NRG1: variants seen among roughly 807,000 people sequenced by gnomAD.
NRG1 encodes pro-neuregulin-1, membrane-bound isoform.
Under a neutral mutation model 63.8 loss-of-function variants are expected in NRG1, and 18 were observed. That is an observed-to-expected ratio of 0.28 (90% CI 0.19 to 0.42). NRG1 has a LOEUF of 0.42. Ranked by LOEUF, NRG1 falls within the 10% of genes least tolerant of loss-of-function variation. The pLI is 1.00. For synonymous variants in NRG1, 302 were observed against 301.3 expected, an observed-to-expected ratio of 1.00 and a Z score of -0.02; for missense variants, 762 against 814.7, an observed-to-expected ratio of 0.94 and a Z score of 0.79.
At chr8:31,659,195 C>T (rs753114710) in intron 1 of NRG1, among the ~76,000 whole-genome samples, 3 of 152,094 alleles carry the variant, frequency 2.0e-5, no homozygotes, top group South Asian at 2.1e-4. Context: ...GGCTCTGCAG[C>T]GAGGGTTCCT....
intron 1 of NRG1, among the ~76,000 whole-genome samples, chr8:32,163,207 G>A (rs894732729): frequency 1.3e-5 from 2 of 152,184 alleles, no homozygotes; most frequent in African/African-American, 4.8e-5. Flanking sequence ...AGACCCATGT[G>A]GCAGGAACTT....
At chr8:32,757,694 A>G (rs1829933249) in intron 9 of NRG1, among the ~76,000 whole-genome samples, 1 of 152,226 alleles carries the variant, frequency 6.6e-6, no homozygotes, top group Non-Finnish European at 1.5e-5. Flanking sequence ...ATGACTGCCT[A>G]GATTACATTT....
chr8:32,530,711 A>G (rs187818086), intron 1 of NRG1, among the ~76,000 whole-genome samples: 71 of 152,328 alleles, frequency 4.7e-4, no homozygotes, highest in Non-Finnish European at 8.8e-4. Flanking sequence ...AAAGCTGGGC[A>G]TTCTGTTCTA....
At chr8:31,882,679 C>T (rs1830443156) in intron 1 of NRG1, among the ~76,000 whole-genome samples, 1 of 152,062 alleles carries the variant, frequency 6.6e-6, no homozygotes, top group Non-Finnish European at 1.5e-5. Context: ...TTAACATTTA[C>T]AGGAGTTTTG....
chr8:32,670,942 T>C (rs1326089170), intron 5 of NRG1, among the ~76,000 whole-genome samples: 3 of 152,078 alleles, frequency 2.0e-5, no homozygotes, highest in Non-Finnish European at 2.9e-5. Flanking sequence ...AAAAATAATA[T>C]TAATAAAGTA....
At chr8:32,224,615 T>C (rs1846143547) in intron 1 of NRG1, among the ~76,000 whole-genome samples, 1 of 152,196 alleles carries the variant, frequency 6.6e-6, no homozygotes, top group Non-Finnish European at 1.5e-5. Context: ...CCACAAGAAC[T>C]GTGTAATTAA....
chr8:32,243,748 A>G (rs1848351179), intron 1 of NRG1, among the ~76,000 whole-genome samples: 1 of 152,046 alleles, frequency 6.6e-6, no homozygotes, highest in African/African-American at 2.4e-5. Context: ...GGCGTCTGTG[A>G]GGCTTTAATA....
At chr8:32,598,158 T>G (rs1843689755) in intron 2 of NRG1, among the ~76,000 whole-genome samples, 1 of 152,130 alleles carries the variant, frequency 6.6e-6, no homozygotes, top group Admixed American at 6.5e-5. Flanking sequence ...GCGGGGGTCA[T>G]AAGATTGTAC....
chr8:32,754,657 A>G (rs1829352215), intron 8 of NRG1, among the ~76,000 whole-genome samples, 183 bp downstream of exon 8: 1 of 152,048 alleles, frequency 6.6e-6, no homozygotes, highest in Admixed American at 6.6e-5. Flanking sequence ...CAGAAATAGA[A>G]AGCTGTTTGC....
At chr8:32,094,525 T>G (rs1401799260) in intron 1 of NRG1, among the ~76,000 whole-genome samples, 1 of 152,220 alleles carries the variant, frequency 6.6e-6, no homozygotes, top group Non-Finnish European at 1.5e-5. Flanking sequence ...CCTGGTTGTT[T>G]GAATTTAACA....
chr8:32,599,206 C>A (rs989136468), intron 2 of NRG1, among the ~76,000 whole-genome samples: 1 of 151,984 alleles, frequency 6.6e-6, no homozygotes. Flanking sequence ...GATATTCAGA[C>A]TATTAGTGTT....
intron 1 of NRG1, among the ~76,000 whole-genome samples, chr8:32,095,703 ATTG>A (rs1829813103): frequency 6.6e-6 from 1 of 152,162 alleles, no homozygotes; most frequent in Non-Finnish European, 1.5e-5. Flanking sequence ...GAATGAATTA[ATTG>A]TTGTGCATGC....
chr8:32,460,698 G>A (rs1822199143), intron 1 of NRG1, among the ~76,000 whole-genome samples: 2 of 152,166 alleles, frequency 1.3e-5, no homozygotes, highest in Non-Finnish European at 2.9e-5. Context: ...GTTTTTCACT[G>A]GTTCTGCTTT....
At chr8:31,720,106 T>G (rs928641247) in intron 1 of NRG1, among the ~76,000 whole-genome samples, 1 of 152,198 alleles carries the variant, frequency 6.6e-6, no homozygotes, top group African/African-American at 2.4e-5. Context: ...TTCTGGATTT[T>G]AATTTAACGC....
intron 5 of NRG1, among the ~76,000 whole-genome samples, chr8:32,717,613 G>T (rs956821143): frequency 5.9e-5 from 9 of 152,166 alleles, no homozygotes; most frequent in South Asian, 2.1e-4. Flanking sequence ...GCAATTTCTG[G>T]CCTCAGTGAG....
At chr8:32,351,510 G>T (rs188801310) in intron 1 of NRG1, among the ~76,000 whole-genome samples, 1 of 152,186 alleles carries the variant, frequency 6.6e-6, no homozygotes, top group African/African-American at 2.4e-5. Context: ...CTTTGTTACT[G>T]CCTCAATTTC....
In NRG1 at chr8:31,830,955, A is replaced by G. The variant is rs77021721; in HGVS notation, c.37+191524A>G. On this transcript the variant is annotated intron_variant, in intron 1 of 10. Transcript: ENST00000519301. ...CACTCAACTTCCCTTGAAACACTGT[A>G]TGGAGAGGAATGGATGCCTAAATGA... Among the ~76,000 whole-genome samples, 971 of 152,190 alleles carry G rather than the reference A, an allele frequency of 6.4e-3. 13 individuals carry two copies. Among genetic ancestry groups the G allele is most frequent in the African/African-American group, 0.022 (916 of 41,522 alleles).
intron 1 of NRG1, among the ~76,000 whole-genome samples, chr8:32,313,022 G>A (rs1034915096): frequency 7.9e-5 from 12 of 152,000 alleles, no homozygotes; most frequent in Non-Finnish European, 1.6e-4. Context: ...GTGTGGTGGT[G>A]GACGCCTGTA....
intron 1 of NRG1, among the ~76,000 whole-genome samples, chr8:32,216,032 C>G (rs1464822100): frequency 6.7e-6 from 1 of 150,348 alleles, no homozygotes; most frequent in African/African-American, 2.5e-5. Flanking sequence ...CAGAGCAAGA[C>G]TCTGTCTCAA....
Sources: allele counts gnomAD v4.1 joint callset (sites outside exome capture counted in the v4.1 genomes callset), GRCh38; gene constraint gnomAD v4.1.1; transcripts MANE v1.5; gene names NCBI Gene and HGNC (gene_info 2026-07-23, HGNC 2026-07-21).